Variants in POLQ observed in about 807,000 individuals in gnomAD.
POLQ encodes the protein DNA polymerase theta, also known as epididymis secretory sperm binding protein.
POLQ carries 233 observed loss-of-function variants against 259.2 expected under a neutral mutation model. That is an observed-to-expected ratio of 0.90 (90% CI 0.81 to 1.00). POLQ has a LOEUF of 1.00. POLQ is among the 50% of genes least tolerant of loss of function. The pLI is 0.00. For missense variants in POLQ, 2,871 were observed against 3,051.6 expected (o/e 0.94, Z 1.39); for synonymous variants, 1,025 against 1,048.8 (o/e 0.98, Z 0.44).
intron 28 of POLQ, among the ~76,000 whole-genome samples, chr3:121,433,333 T>A (rs1389081678): frequency 1.3e-5 from 2 of 152,172 alleles, no homozygotes; most frequent in Admixed American, 6.5e-5. Flanking sequence ...ATTTTCTCTA[T>A]CCATGGAGTC....
chr3:121,449,233 A>G, intron 26 of POLQ, 82 bp downstream of exon 26: 1 of 733,458 alleles, frequency 1.4e-6, no homozygotes, highest in Non-Finnish European at 2.3e-6. Flanking sequence ...TGATATTTCA[A>G]AAGAAAATTC....
chr3:121,532,362 A>G (rs1296906550), intron 6 of POLQ, among the ~76,000 whole-genome samples: 1 of 152,236 alleles, frequency 6.6e-6, no homozygotes, highest in African/African-American at 2.4e-5. Context: ...TGTAAACTAA[A>G]CCATAAGAAA....
At position 121,432,237 on chromosome 3, in the gene POLQ, A is replaced by T; in HGVS notation, c.*67T>A. The T allele has an allele frequency of 7.0e-7, 1 of 1,435,386 alleles. No individual in the cohort carries two copies. The highest frequency in any genetic ancestry group is 1.8e-4 in the Middle Eastern group (1 of 5,506). 88.9% of individuals were successfully genotyped at this position (1,435,386 alleles called of 1,614,324 possible). ...TTTTGCTGAGGTAGGTGAAAGGGTA[A>T]TCTCTGTTCTTTCCAGGTGACTGCA... is the stretch of plus-strand genomic sequence containing the variant. On this transcript the variant is annotated 3_prime_UTR_variant, in exon 30 of 30. Transcript: ENST00000264233.
intron 9 of POLQ, among the ~76,000 whole-genome samples, chr3:121,514,906 C>T (rs1022356943): frequency 2.0e-5 from 3 of 152,118 alleles, no homozygotes; most frequent in African/African-American, 7.2e-5. Context: ...CTCATGAGGA[C>T]CCTGCCCAGG....
intron 23 of POLQ, 134 bp from the exon 24 acceptor site, chr3:121,467,774 C>T: frequency 4.7e-6 from 4 of 848,740 alleles, no homozygotes; most frequent in Admixed American, 2.5e-5. Context: ...GGTGTGGTAG[C>T]TCACACCTGT....
intron 19 of POLQ, among the ~76,000 whole-genome samples, chr3:121,479,247 C>T (rs1243180680): frequency 6.6e-6 from 1 of 151,600 alleles, no homozygotes; most frequent in Non-Finnish European, 1.5e-5. Context: ...AATAGTGGCT[C>T]ACACCTGTAA....
rs772020341 is a variant in POLQ at position 121,498,520 on chromosome 3, C to G, written c.2110G>C (p.Ala704Pro). Residue 704 changes from alanine (A) to proline (P), a missense_variant, in exon 13 of 30, where the codon GCC becomes CCC. Physicochemically the swap from Ala to Pro is conservative, Grantham distance 27 (BLOSUM62 -1). Coordinates refer to ENST00000264233, the MANE Select transcript of POLQ (RefSeq NM_199420.4). ...TGTCGATGCTGTCTCTCAGTTCTGG[C>G]TACTACTTTTCCTTTCACACAACGG... Reference protein sequence around the residue: ...LARCVKGKVVARTERQHRQMA... With the variant: ...LARCVKGKVVPRTERQHRQMA... 6.2e-7 allele frequency: 1 copy of G among 1,614,104 alleles called. No homozygotes were observed. Among genetic ancestry groups the G allele is most frequent in the East Asian group, 2.2e-5 (1 of 44,882 alleles).
intron 7 of POLQ, 21 bp from the exon 8 acceptor site, chr3:121,522,170 A>C (rs377343085): frequency 1.3e-5 from 20 of 1,583,272 alleles, no homozygotes; most frequent in Non-Finnish European, 1.7e-5. Context: ...AAAATTATCA[A>C]CACCATTTGC....
At chr3:121,509,191 A>G (rs1007378290) in intron 12 of POLQ, among the ~76,000 whole-genome samples, 8 of 152,162 alleles carry the variant, frequency 5.3e-5, no homozygotes, top group Admixed American at 5.2e-4. Flanking sequence ...AGCATTGGAC[A>G]TGACTTAATG....
At chr3:121,507,521 C>A (rs1379430423) in intron 12 of POLQ, among the ~76,000 whole-genome samples, 1 of 151,996 alleles carries the variant, frequency 6.6e-6, no homozygotes, top group Non-Finnish European at 1.5e-5. Context: ...GAGGTCAGGA[C>A]TTCAAGACCA....
intron 12 of POLQ, among the ~76,000 whole-genome samples, chr3:121,503,836 T>C (rs2048190592): frequency 6.6e-6 from 1 of 152,076 alleles, no homozygotes; most frequent in Non-Finnish European, 1.5e-5. Flanking sequence ...AATGACAAAA[T>C]AAACTGTATG....
At chr3:121,457,064 C>T (rs548507204) in intron 25 of POLQ, among the ~76,000 whole-genome samples, 2 of 152,242 alleles carry the variant, frequency 1.3e-5, no homozygotes, top group South Asian at 4.2e-4. Flanking sequence ...GAACAGAGCC[C>T]TCAGAAATAA....
rs1211473661 is a variant in POLQ, at chr3:121,537,149, C to T, written c.691G>A (p.Glu231Lys). ...TAGCAAATCTTGGTCAGCAAAAGTT[C>T]CAGCAGATACCCTCGGTGAGAGTCT... ...LGDSHRGYLL[E>K]LLLTKICYIT... The change falls in exon 5 of 30, where the codon GAA becomes AAA. Residue 231 changes from glutamate (E) to lysine (K), a missense_variant. By Grantham distance (56) the Glu-to-Lys change is moderately conservative (BLOSUM62 1). This residue lies in a region of POLQ where 783 missense variants were observed against 906.2 expected (regional missense o/e 0.86). Transcript: ENST00000264233. The T allele has an allele frequency of 1.2e-6, 2 of 1,607,122 alleles. No homozygotes were observed. Among genetic ancestry groups the T allele is most frequent in the Non-Finnish European group, 1.7e-6 (2 of 1,173,946 alleles).
In POLQ at chr3:121,471,882, G is replaced by A. The variant is rs116538284; in HGVS notation, c.6718+108C>T. 4.6e-3 allele frequency: 2,415 copies of A among 528,952 alleles called. 47 individuals carry two copies. The highest frequency in any genetic ancestry group is 0.042 in the African/African-American group (2,200 of 52,594). 32.8% of individuals were successfully genotyped at this position (528,952 alleles called of 1,614,324 possible). On this transcript the variant is annotated intron_variant, in intron 22 of 29. Transcript: ENST00000264233. ...TATTTTATAGTTGTAAAACTTCACC[G>A]AACCCCTTGATCAACACTTGAATTC...
chr3:121,521,857 C>T (rs1348276760), intron 8 of POLQ, 146 bp downstream of exon 8: 3 of 518,658 alleles, frequency 5.8e-6, no homozygotes, highest in South Asian at 3.6e-5. Context: ...AGGAGTGAGC[C>T]ACCACGCCCA....
intron 25 of POLQ, among the ~76,000 whole-genome samples, chr3:121,454,635 A>G (rs920682985): frequency 3.3e-5 from 5 of 152,234 alleles, no homozygotes; most frequent in Admixed American, 1.3e-4. Context: ...AGAGACAAAG[A>G]AGGCCATTAC....
intron 25 of POLQ, among the ~76,000 whole-genome samples, chr3:121,457,453 C>A (rs2047751525): frequency 1.3e-5 from 2 of 152,154 alleles, no homozygotes; most frequent in Non-Finnish European, 2.9e-5. Flanking sequence ...AGGCAACCTA[C>A]AGAATGGGAG....
At chr3:121,542,911 C>T (rs1196938366) in intron 2 of POLQ, among the ~76,000 whole-genome samples, 4 of 151,518 alleles carry the variant, frequency 2.6e-5, no homozygotes, top group Middle Eastern at 3.2e-3. Flanking sequence ...CACTTGAACC[C>T]GGGAGGCAGA....
chr3:121,533,208 G>A lies in POLQ; in HGVS notation c.742C>T (p.Gln248Ter). The A allele has an allele frequency of 1.3e-6, 2 of 1,551,356 alleles. No individual in the cohort carries two copies. Among genetic ancestry groups the A allele is most frequent in the Admixed American group, 2.1e-5 (1 of 48,620 alleles). Residue 248 changes from glutamine (Q) to a stop codon, truncating the protein, a stop_gained and splice_region_variant, in exon 6 of 30, where the codon CAG (glutamine) becomes TAG (stop). Transcript: ENST00000264233. LOFTEE classifies it high-confidence loss of function. The part of the protein sequence containing the change: ...CYITRKSASC[Q>*]ADLASSLSNA... The stretch of plus-strand genomic sequence containing the variant: ...GACAGAGAACTGGCTAGATCTGCCT[G>A]ACTGTAAAAAAACAAATGAAAAGAA...
Sources: gnomAD v4.1 joint callset for allele counts (sites outside exome capture counted in the v4.1 genomes callset) on GRCh38, gnomAD v4.1.1 for gene constraint, gnomAD v4.1.1 regional missense constraint, MANE v1.5 for transcripts, NCBI Gene and HGNC (gene_info 2026-07-23, HGNC 2026-07-21) for gene names.